The following TMEM135 variants were observed in gnomAD, a reference collection of about 807,000 sequenced individuals.
The protein encoded by TMEM135 is transmembrane protein 135, also known as peroxisomal membrane protein 52.
Under a neutral mutation model 60.3 loss-of-function variants are expected in TMEM135, and 30 were observed. The ratio of observed to expected loss-of-function variants is 0.50; its 90% CI spans 0.37 to 0.68. The LOEUF is 0.68. Ranked by LOEUF, TMEM135 falls within the 30% of genes least tolerant of loss-of-function variation. TMEM135 has a pLI of 0.00. For synonymous variants in TMEM135, 190 were observed against 186.7 expected (o/e 1.02, Z -0.14); for missense variants, 468 against 548.8 (o/e 0.85, Z 1.47).
At chr11:87,181,437 C>T (rs1939512777) in intron 5 of TMEM135, among the ~76,000 whole-genome samples, 1 of 152,140 alleles carries the variant, frequency 6.6e-6, no homozygotes, top group Non-Finnish European at 1.5e-5. Context: ...AAACGTTCAT[C>T]TTTGGTGAAA....
At chr11:87,135,927 ACTTTTC>A (rs1938085087) in intron 4 of TMEM135, among the ~76,000 whole-genome samples, 4 of 151,962 alleles carry the variant, frequency 2.6e-5, no homozygotes, top group Admixed American at 1.3e-4. Context: ...CAGTGTTTTT[ACTTTTC>A]AGTGTACAGG....
chr11:87,317,674 C>G (rs1013572324), intron 12 of TMEM135, among the ~76,000 whole-genome samples: 1 of 152,086 alleles, frequency 6.6e-6, no homozygotes, highest in African/African-American at 2.4e-5. Context: ...TACTGAAGAT[C>G]ATGCAAAGTT....
chr11:87,042,717 T>C (rs1755262042), intron 1 of TMEM135, among the ~76,000 whole-genome samples: 1 of 151,440 alleles, frequency 6.6e-6, no homozygotes, highest in South Asian at 2.1e-4. Context: ...AACATTATCA[T>C]GTGTGTTGTA....
At chr11:87,041,352 T>C (rs1949748762) in intron 1 of TMEM135, among the ~76,000 whole-genome samples, 1 of 152,062 alleles carries the variant, frequency 6.6e-6, no homozygotes, top group African/African-American at 2.4e-5. Flanking sequence ...GTGCATGCTA[T>C]TGAGGTTTCT....
chr11:87,151,355 G>T (rs636159), intron 4 of TMEM135, among the ~76,000 whole-genome samples: 55,834 of 151,766 alleles, frequency 0.37, 10,794 homozygotes, highest in East Asian at 0.67. Flanking sequence ...TTCTCTAAAG[G>T]GTTCCTTTTC....
intron 2 of TMEM135, among the ~76,000 whole-genome samples, chr11:87,068,826 G>C (rs1272053822): frequency 7.0e-6 from 1 of 143,152 alleles, no homozygotes; most frequent in South Asian, 2.2e-4. Flanking sequence ...AAAAAAAAAA[G>C]TGTAATTTCC....
intron 4 of TMEM135, among the ~76,000 whole-genome samples, chr11:87,122,836 C>T (rs1937625180): frequency 6.6e-6 from 1 of 152,166 alleles, no homozygotes; most frequent in African/African-American, 2.4e-5. Flanking sequence ...CTCATCAGTA[C>T]TCAGTACTGC....
intron 1 of TMEM135, among the ~76,000 whole-genome samples, chr11:87,066,912 C>A (rs1856674675): frequency 6.6e-6 from 1 of 150,610 alleles, no homozygotes; most frequent in African/African-American, 2.4e-5. Flanking sequence ...TCCCAAGTAG[C>A]TGGGACTACA....
At chr11:87,285,167 C>T (rs1052079843) in intron 6 of TMEM135, among the ~76,000 whole-genome samples, 1 of 152,144 alleles carries the variant, frequency 6.6e-6, no homozygotes, top group African/African-American at 2.4e-5. Flanking sequence ...AATTGTTGAT[C>T]ATGTGTCAAA....
intron 4 of TMEM135, among the ~76,000 whole-genome samples, chr11:87,112,474 G>A (rs996133312): frequency 6.6e-6 from 1 of 152,100 alleles, no homozygotes; most frequent in African/African-American, 2.4e-5. Context: ...CCATGGCTAT[G>A]GTTTATTATA....
intron 2 of TMEM135, among the ~76,000 whole-genome samples, chr11:87,068,871 A>G (rs567128686): frequency 8.6e-5 from 13 of 152,016 alleles, no homozygotes; most frequent in South Asian, 6.2e-4. Context: ...TAAGATCATT[A>G]TCAGATCATT....
At chr11:87,210,397 CA>C (rs1565487416) in intron 5 of TMEM135, among the ~76,000 whole-genome samples, 1 of 152,142 alleles carries the variant, frequency 6.6e-6, no homozygotes, top group Non-Finnish European at 1.5e-5. Flanking sequence ...TCTAGGCACA[CA>C]AACTAGGAAA....
intron 6 of TMEM135, among the ~76,000 whole-genome samples, chr11:87,248,320 AGT>A (rs1941336438): frequency 6.6e-6 from 1 of 152,184 alleles, no homozygotes; most frequent in Non-Finnish European, 1.5e-5. Context: ...TGCCACCAAC[AGT>A]GTACAAGGGT....
intron 4 of TMEM135, among the ~76,000 whole-genome samples, chr11:87,129,820 C>T (rs1591041938): frequency 2.0e-5 from 3 of 152,124 alleles, no homozygotes; most frequent in South Asian, 2.1e-4. Flanking sequence ...GGATTACAGG[C>T]GTGAGCCATT....
At position 87,105,099 on chromosome 11, in the gene TMEM135, T is replaced by G. The variant is rs372916235; in HGVS notation, c.396+13704T>G. 3.9e-5 allele frequency among the ~76,000 whole-genome samples: 6 copies of G among 152,306 alleles called. No homozygotes were observed. The East Asian group carries it at 9.7e-4, about 25-fold the overall frequency. Reference sequence around the variant, plus strand: ...GTGTTGAGGTACATTCCTCTATACCTAATTTGTTGAGAGTTTTATTGTGAA... The same window carrying G: ...GTGTTGAGGTACATTCCTCTATACCGAATTTGTTGAGAGTTTTATTGTGAA... On this transcript the variant is annotated intron_variant, in intron 4 of 14. Transcript: ENST00000305494.
At chr11:87,118,473 G>T (rs552786044) in intron 4 of TMEM135, among the ~76,000 whole-genome samples, 1 of 151,000 alleles carries the variant, frequency 6.6e-6, no homozygotes, top group Admixed American at 6.6e-5. Context: ...TTTTGAGACG[G>T]TGTGTCACAC....
chr11:87,180,051 C>G (rs1939476175), intron 5 of TMEM135, among the ~76,000 whole-genome samples: 1 of 152,158 alleles, frequency 6.6e-6, no homozygotes, highest in South Asian at 2.1e-4. Context: ...GAAGAATCCT[C>G]TTTTTCTCTG....
chr11:87,102,023 C>T (rs1017397979), intron 4 of TMEM135, among the ~76,000 whole-genome samples: 4 of 152,130 alleles, frequency 2.6e-5, no homozygotes, highest in African/African-American at 9.7e-5. Flanking sequence ...CTTGTTCTTT[C>T]ACTCAACAGA....
chr11:87,149,983 A>G (rs1001701285), intron 4 of TMEM135, among the ~76,000 whole-genome samples: 2 of 152,126 alleles, frequency 1.3e-5, no homozygotes, highest in African/African-American at 4.8e-5. Flanking sequence ...TTGGGAGGCC[A>G]AAGCGGGTGG....
Sources: gnomAD v4.1 joint callset for allele counts (sites outside exome capture counted in the v4.1 genomes callset) on GRCh38, gnomAD v4.1.1 for gene constraint, MANE v1.5 for transcripts, NCBI Gene and HGNC (gene_info 2026-07-23, HGNC 2026-07-21) for gene names.